Variants in ZNRF3 observed in about 807,000 individuals in gnomAD.
ZNRF3 encodes E3 ubiquitin-protein ligase ZNRF3.
Under a neutral mutation model 72.5 loss-of-function variants are expected in ZNRF3, and 23 were observed. That is an observed-to-expected ratio of 0.32 (90% CI 0.23 to 0.45). ZNRF3 has a LOEUF of 0.45. Among genes scored for constraint, ZNRF3 ranks in the 20% least tolerant of loss-of-function variants. The pLI is 1.00. For missense variants in ZNRF3, 1,169 were observed against 1,272.1 expected, an observed-to-expected ratio of 0.92 and a Z score of 1.23; for synonymous variants, 610 against 545.3, an observed-to-expected ratio of 1.12 and a Z score of -1.65.
chr22:28,899,837 G>T (rs2034071327), intron 1 of ZNRF3, among the ~76,000 whole-genome samples: 1 of 151,788 alleles, frequency 6.6e-6, no homozygotes, highest in Non-Finnish European at 1.5e-5. Flanking sequence ...CCACAGGCGT[G>T]CACCACCATG....
At chr22:28,900,193 C>T (rs566305507) in intron 1 of ZNRF3, among the ~76,000 whole-genome samples, 25 of 152,138 alleles carry the variant, frequency 1.6e-4, no homozygotes, top group Non-Finnish European at 2.8e-4. Flanking sequence ...TCCTCCTCCC[C>T]CAGCTCCTTA....
At chr22:28,968,843 C>T (rs894872446) in intron 1 of ZNRF3, among the ~76,000 whole-genome samples, 3 of 152,046 alleles carry the variant, frequency 2.0e-5, no homozygotes, top group Non-Finnish European at 4.4e-5. Context: ...GGTTTGGAAA[C>T]TCACGGAGTC....
intron 2 of ZNRF3, among the ~76,000 whole-genome samples, chr22:28,999,198 G>T (rs1569275873): frequency 6.6e-6 from 1 of 151,698 alleles, no homozygotes; most frequent in Non-Finnish European, 1.5e-5. Flanking sequence ...GCCAGGCATG[G>T]TGGTGGGTGC....
chr22:28,966,790 A>G (rs1201688025), intron 1 of ZNRF3, among the ~76,000 whole-genome samples: 1 of 151,994 alleles, frequency 6.6e-6, no homozygotes, highest in Middle Eastern at 3.2e-3. Context: ...AGCTAAGGTT[A>G]ATTTATTATT....
At chr22:28,937,209 ATATATATTTTTTT>A (rs1255839302) in intron 1 of ZNRF3, among the ~76,000 whole-genome samples, 2 of 2,710 alleles carry the variant, frequency 7.4e-4, no homozygotes, top group East Asian at 0.023. Flanking sequence ...ATATATATAT[ATATATATTTTTTT>A]TTTTTTTTTT....
chr22:28,965,236 G>A (rs1000406400), intron 1 of ZNRF3, among the ~76,000 whole-genome samples: 2 of 152,132 alleles, frequency 1.3e-5, no homozygotes, highest in Non-Finnish European at 2.9e-5. Context: ...TGTTAAGATT[G>A]GAGATAATGT....
intron 2 of ZNRF3, among the ~76,000 whole-genome samples, chr22:29,010,123 A>T (rs1243863682): frequency 4.6e-5 from 7 of 151,556 alleles, no homozygotes; most frequent in African/African-American, 7.3e-5. Flanking sequence ...GTCTGCCAGG[A>T]TGGTCTCGAT....
chr22:28,904,940 C>CT (rs563812107), intron 1 of ZNRF3, among the ~76,000 whole-genome samples: 487 of 139,454 alleles, frequency 3.5e-3, no homozygotes, highest in South Asian at 7.3e-3. Flanking sequence ...GTGAAAGTGT[C>CT]TTTTTTTTTT....
At chr22:28,979,301 C>G (rs988995868) in intron 1 of ZNRF3, among the ~76,000 whole-genome samples, 3 of 152,128 alleles carry the variant, frequency 2.0e-5, no homozygotes. Flanking sequence ...GACAGCAACT[C>G]CTGAGGTTGG....
intron 1 of ZNRF3, among the ~76,000 whole-genome samples, chr22:28,925,152 G>T (rs1291517933): frequency 6.6e-6 from 1 of 152,176 alleles, no homozygotes; most frequent in African/African-American, 2.4e-5. Flanking sequence ...GATAGATGAA[G>T]AAGCCTGCCA....
chr22:29,050,728 C>G lies in ZNRF3; in HGVS notation c.2547C>G (p.Thr849=). The change falls in exon 8 of 9, where the codon ACC becomes ACG. Residue 849 remains threonine (T), a synonymous_variant. Transcript: ENST00000544604. The part of the protein sequence containing the change: ...DLGLPSDCQG[T]HSLGSWGGTR... ...GCCTGCCCTCGGACTGCCAAGGGAC[C>G]CACAGCCTCGGCTCCTGGGGTGGGA... is the stretch of plus-strand genomic sequence containing the variant. 1 of 1,611,006 alleles carries G rather than the reference C, an allele frequency of 6.2e-7. No individual in the cohort carries two copies. The highest frequency in any genetic ancestry group is 8.5e-7 in the Non-Finnish European group (1 of 1,178,932).
Position 29,050,580 on chromosome 22 carries a change from A to G in ZNRF3, c.2399A>G (p.Glu800Gly). Reference sequence around the variant, plus strand: ...GGAGGGGGCAGCGGCTGCTACACTGAGGACTACTCGGTGAGTGTGCAGTAC... The same window carrying G: ...GGAGGGGGCAGCGGCTGCTACACTGGGGACTACTCGGTGAGTGTGCAGTAC... Reference protein sequence around the residue: ...GGGGGSGCYTEDYSVSVQYTL... With the variant: ...GGGGGSGCYTGDYSVSVQYTL... The change falls in exon 8 of 9, where the codon GAG becomes GGG. Residue 800 changes from glutamate to glycine, a missense_variant. Glu to Gly is a moderately conservative substitution (Grantham distance 98). Around this residue, in one of 2 missense-constraint regions of ZNRF3, gnomAD observed 783 missense variants for 731.4 expected, o/e 1.07. Coordinates refer to ENST00000544604, the MANE Select transcript of ZNRF3 (RefSeq NM_001206998.2). The G allele has an allele frequency of 6.2e-7, 1 of 1,608,480 alleles. No homozygotes were observed. The highest frequency in any genetic ancestry group is 8.5e-7 in the Non-Finnish European group (1 of 1,177,822).
rs1047776143 is a variant in ZNRF3 at position 29,050,870 on chromosome 22, G to T, written c.2689G>T (p.Ala897Ser). Reference sequence around the variant, plus strand: ...GCGGCCTGGCTGCCCTCCGGAGGAGGCGGGTGCTGTCAGGGCCAACTTCCC... The same window carrying T: ...GCGGCCTGGCTGCCCTCCGGAGGAGTCGGGTGCTGTCAGGGCCAACTTCCC... ...LLRPGCPPEE[A>S]GAVRANFPSA... The change falls in exon 8 of 9, where the codon GCG (alanine) becomes TCG (serine). Residue 897 changes from alanine (A) to serine (S), a missense_variant. Transcript: ENST00000544604. The T allele has an allele frequency of 6.3e-7, 1 of 1,595,590 alleles. No individual in the cohort carries two copies.
chr22:29,054,410 C>G lies in ZNRF3; in HGVS notation c.*788C>G, dbSNP rs977969046. The G allele has an allele frequency of 6.6e-6, 1 of 152,236 alleles. No individual in the cohort carries two copies. The highest frequency in any genetic ancestry group is 2.4e-5 in the African/African-American group (1 of 41,418). 9.4% of individuals were successfully genotyped at this position (152,236 alleles called of 1,614,324 possible). A position where few individuals can be genotyped will look rare whatever the true frequency, so the allele number is the denominator to read the frequency against. On this transcript the variant is annotated 3_prime_UTR_variant, in exon 9 of 9. Transcript: ENST00000544604. The stretch of plus-strand genomic sequence containing the variant: ...CAGTCTGTCCCCTCAGGTCATGGTC[C>G]CAAGTGAAATGACAGAGTTCACAGC...
At chr22:29,027,967 T>C (rs1342456878) in intron 2 of ZNRF3, among the ~76,000 whole-genome samples, 1 of 152,180 alleles carries the variant, frequency 6.6e-6, no homozygotes, top group Non-Finnish European at 1.5e-5. Flanking sequence ...AGGGGGGCCA[T>C]GTAACTGCCC....
chr22:28,994,074 C>A (rs999540480), intron 2 of ZNRF3, among the ~76,000 whole-genome samples: 1 of 151,576 alleles, frequency 6.6e-6, no homozygotes, highest in Non-Finnish European at 1.5e-5. Flanking sequence ...AAGTGTTGAT[C>A]ACATTCCTGG....
intron 2 of ZNRF3, among the ~76,000 whole-genome samples, chr22:28,996,874 T>G (rs1040173151): frequency 2.0e-5 from 3 of 152,194 alleles, no homozygotes; most frequent in African/African-American, 7.2e-5. Context: ...GGAACTTGGG[T>G]AAAGCTACAG....
intron 1 of ZNRF3, among the ~76,000 whole-genome samples, chr22:28,964,666 C>G (rs993465306): frequency 1.3e-5 from 2 of 152,182 alleles, no homozygotes; most frequent in African/African-American, 2.4e-5. Flanking sequence ...CTCATCACCC[C>G]TCAGGTTCTG....
intron 1 of ZNRF3, among the ~76,000 whole-genome samples, chr22:28,898,741 G>A (rs1466601077): frequency 6.6e-6 from 1 of 152,168 alleles, no homozygotes; most frequent in East Asian, 1.9e-4. Context: ...TTTAAGCGCT[G>A]TGTGGGAAGC....
Sources: allele counts gnomAD v4.1 joint callset (sites outside exome capture counted in the v4.1 genomes callset), GRCh38; gene constraint gnomAD v4.1.1; regional missense constraint gnomAD v4.1.1; transcripts MANE v1.5; gene names NCBI Gene and HGNC (gene_info 2026-07-23, HGNC 2026-07-21).